CHODL: variants seen among roughly 807,000 people sequenced by gnomAD.
CHODL encodes the protein chondrolectin.
In CHODL, 29 loss-of-function variants were observed where a neutral mutation model predicts 34.5. That is an observed-to-expected ratio of 0.84 (90% CI 0.63 to 1.15). The LOEUF (loss-of-function observed/expected upper bound fraction) is 1.15, where lower values mean the gene tolerates loss of function less well. CHODL is among the 50% of genes most tolerant of loss of function. The pLI is 0.00. For synonymous variants in CHODL, 125 were observed against 116.1 expected (o/e 1.08, Z -0.49); for missense variants, 332 against 332.5 (o/e 1.00, Z 0.01).
chr21:18,168,449 T>G (rs1455752462), intron 2 of CHODL, among the ~76,000 whole-genome samples: 1 of 152,188 alleles, frequency 6.6e-6, no homozygotes, highest in Non-Finnish European at 1.5e-5. Flanking sequence ...ATGTCTGTCT[T>G]TTTTGTTTTA....
intron 1 of CHODL, among the ~76,000 whole-genome samples, chr21:17,992,199 C>T (rs2063802778): frequency 6.6e-6 from 1 of 152,036 alleles, no homozygotes; most frequent in African/African-American, 2.4e-5. Context: ...GTTTTTTATA[C>T]CAATACCATG....
intron 1 of CHODL, among the ~76,000 whole-genome samples, chr21:17,993,632 G>T (rs1192017358): frequency 6.6e-6 from 1 of 152,248 alleles, no homozygotes; most frequent in Non-Finnish European, 1.5e-5. Context: ...GGGCATTTAG[G>T]TTCATTCTAT....
At chr21:17,987,776 T>A (rs970831958) in intron 1 of CHODL, among the ~76,000 whole-genome samples, 2 of 152,180 alleles carry the variant, frequency 1.3e-5, no homozygotes, top group African/African-American at 4.8e-5. Context: ...CTATAGAATA[T>A]AACATCATTA....
chr21:17,970,757 T>TG (rs1162030279), intron 1 of CHODL, among the ~76,000 whole-genome samples: 3 of 152,130 alleles, frequency 2.0e-5, no homozygotes, highest in Admixed American at 1.3e-4. Context: ...AAATTATACT[T>TG]TAAGTTCTGG....
intron 1 of CHODL, among the ~76,000 whole-genome samples, chr21:17,977,213 G>C (rs534010103): frequency 6.6e-6 from 1 of 152,136 alleles, no homozygotes; most frequent in Non-Finnish European, 1.5e-5. Context: ...AATTTCTCAT[G>C]TTGTTTGCCC....
chr21:18,043,514 G>A (rs934457288), intron 2 of CHODL, among the ~76,000 whole-genome samples: 1 of 151,970 alleles, frequency 6.6e-6, no homozygotes, highest in Non-Finnish European at 1.5e-5. Context: ...GAGACTCAAA[G>A]TGTGTTACTT....
intron 1 of CHODL, among the ~76,000 whole-genome samples, chr21:17,942,567 G>A (rs1430088968): frequency 1.3e-5 from 2 of 151,846 alleles, no homozygotes; most frequent in Non-Finnish European, 2.9e-5. Context: ...TGTGAAAGTG[G>A]ACTAATAATA....
Position 18,130,721 on chromosome 21 carries a change from T to C in CHODL, c.-45+102750T>C, listed in dbSNP as rs150870019. 1.3e-3 allele frequency among the ~76,000 whole-genome samples: 196 copies of C among 152,338 alleles called. 2 individuals are homozygous for C. The East Asian group carries it at 0.036, about 28-fold the overall frequency. Reference sequence around the variant, plus strand: ...CAATAGGTAAAAAGATGTAGGATATTACCCCCAAATTTTAGTTTGGCAAAT... The same window carrying C: ...CAATAGGTAAAAAGATGTAGGATATCACCCCCAAATTTTAGTTTGGCAAAT... On this transcript the variant is annotated intron_variant, in intron 2 of 6. Transcript: ENST00000400127.
At chr21:18,021,096 T>C (rs1306433640) in intron 1 of CHODL, among the ~76,000 whole-genome samples, 1 of 152,188 alleles carries the variant, frequency 6.6e-6, no homozygotes, top group Non-Finnish European at 1.5e-5. Context: ...GCTAGAGATA[T>C]ATATTTGGAA....
At chr21:18,245,913 A>G in intron 1 of CHODL, 4 of 1,535,600 alleles carry the variant, frequency 2.6e-6, no homozygotes, top group Non-Finnish European at 3.5e-6. Context: ...CCAGAAAATG[A>G]AGTCAGCTGG....
chr21:18,108,751 G>A (rs936104478), intron 2 of CHODL, among the ~76,000 whole-genome samples: 1 of 152,106 alleles, frequency 6.6e-6, no homozygotes, highest in African/African-American at 2.4e-5. Flanking sequence ...AGAATGGAGT[G>A]AGAGTAAGGG....
intron 2 of CHODL, among the ~76,000 whole-genome samples, chr21:18,212,882 T>A (rs899353169): frequency 2.0e-5 from 3 of 152,168 alleles, no homozygotes; most frequent in Admixed American, 2.0e-4. Flanking sequence ...ACCATGCTTA[T>A]CTTAGCTGGA....
At chr21:18,042,339 GC>G (rs1013687699) in intron 2 of CHODL, among the ~76,000 whole-genome samples, 20 of 151,766 alleles carry the variant, frequency 1.3e-4, no homozygotes, top group Admixed American at 1.3e-3. Flanking sequence ...CCATTTTGGG[GC>G]CCACAAATTG....
At chr21:18,048,141 T>A (rs1368578815) in intron 2 of CHODL, among the ~76,000 whole-genome samples, 1 of 151,922 alleles carries the variant, frequency 6.6e-6, no homozygotes, top group Admixed American at 6.6e-5. Flanking sequence ...TGACAAATAG[T>A]GAAAGAGGCC....
At chr21:17,937,064 A>C (rs1231502680) in intron 1 of CHODL, among the ~76,000 whole-genome samples, 1 of 138,784 alleles carries the variant, frequency 7.2e-6, no homozygotes, top group Non-Finnish European at 1.5e-5. Context: ...CCTGGGTGAC[A>C]GGGTGAGACT....
At chr21:17,974,656 G>A (rs1821572497) in intron 1 of CHODL, among the ~76,000 whole-genome samples, 1 of 152,032 alleles carries the variant, frequency 6.6e-6, no homozygotes, top group Non-Finnish European at 1.5e-5. Context: ...AATACTTTTT[G>A]ATAAAGTTGT....
At chr21:18,114,921 A>G (rs185491447) in intron 2 of CHODL, 1 of 152,424 alleles carries the variant, frequency 6.6e-6, no homozygotes, top group East Asian at 1.9e-4. Context: ...ACCAGTGTTC[A>G]GCAGACAGCA....
intron 1 of CHODL, among the ~76,000 whole-genome samples, chr21:17,943,206 T>C (rs906165914): frequency 6.6e-6 from 1 of 152,168 alleles, no homozygotes; most frequent in Non-Finnish European, 1.5e-5. Flanking sequence ...TTCTAGGTAA[T>C]ATAAGTGAAG....
intron 1 of CHODL, among the ~76,000 whole-genome samples, chr21:17,994,157 G>GT (rs58780523): frequency 1 from 152,310 of 152,310 alleles, 76,155 homozygotes; most frequent in Non-Finnish European, 1. Flanking sequence ...TTTGGGTTTT[G>GT]TTCTTCTTGT....
Sources: gnomAD v4.1 joint callset for allele counts (sites outside exome capture counted in the v4.1 genomes callset) on GRCh38, gnomAD v4.1.1 for gene constraint, MANE v1.5 for transcripts, NCBI Gene and HGNC (gene_info 2026-07-23, HGNC 2026-07-21) for gene names.